The following TRIM13 variants were observed in gnomAD, a reference collection of about 807,000 sequenced individuals.
The protein encoded by TRIM13 is E3 ubiquitin-protein ligase TRIM13.
TRIM13 carries 15 observed loss-of-function variants against 27.1 expected under a neutral mutation model. The ratio of observed to expected loss-of-function variants is 0.55; its 90% CI spans 0.37 to 0.85. TRIM13 has a LOEUF of 0.85. Among genes scored for constraint, TRIM13 ranks in the 40% least tolerant of loss-of-function variants. The pLI is 0.00. For synonymous variants in TRIM13, 193 were observed against 171.5 expected (o/e 1.13, Z -0.98); for missense variants, 402 against 472.2 (o/e 0.85, Z 1.38).
At chr13:50,007,318 G>A (rs1160419264) in intron 1 of TRIM13, among the ~76,000 whole-genome samples, 3 of 151,136 alleles carry the variant, frequency 2.0e-5, no homozygotes, top group South Asian at 2.1e-4. Flanking sequence ...GTGAAACCCC[G>A]TGTCTATTAA....
Position 50,015,186 on chromosome 13 carries a change from G to GT in TRIM13, c.*2023dup, listed in dbSNP as rs1420858274. The GT allele has an allele frequency of 3.9e-5, 6 of 155,618 alleles. No homozygotes were observed. Among genetic ancestry groups the GT allele is most frequent in the Non-Finnish European group, 8.6e-5 (6 of 69,908 alleles). 9.6% of individuals were successfully genotyped at this position (155,618 alleles called of 1,614,324 possible). A position where few individuals can be genotyped will look rare whatever the true frequency, so the allele number is the denominator to read the frequency against. ...GGTTTTCATGGATAAGTTTTTAAAT[G>GT]TAAGACAGGAAAGGGATCTATTTGA... is the stretch of plus-strand genomic sequence containing the variant. On this transcript the variant is annotated 3_prime_UTR_variant, in exon 2 of 2. Transcript: ENST00000378182.
rs753801455 is a variant in TRIM13, at chr13:50,012,860, T to G, written c.920T>G (p.Ile307Ser). 6.2e-7 allele frequency: 1 copy of G among 1,614,108 alleles called. No homozygotes were observed. The highest frequency in any genetic ancestry group is 8.5e-7 in the Non-Finnish European group (1 of 1,180,008). The stretch of plus-strand genomic sequence containing the variant: ...TTGCCTCAAGACACTGGCACATTCA[T>G]TAGCAAGATTCCCTGGAGCTTTTAT... ...LSLPQDTGTF[I>S]SKIPWSFYKL... is the part of the protein sequence containing the mutation. The change falls in exon 2 of 2, where the codon ATT (isoleucine) becomes AGT (serine). Residue 307 changes from isoleucine (I) to serine (S), a missense_variant. Ile to Ser is a moderately radical substitution (Grantham distance 142). Transcript: ENST00000378182.
intron 1 of TRIM13, among the ~76,000 whole-genome samples, chr13:50,007,826 C>T (rs1874996040): frequency 6.7e-6 from 1 of 149,814 alleles, no homozygotes; most frequent in Non-Finnish European, 1.5e-5. Context: ...CCTGCAAGCT[C>T]AGCTTGTCCT....
chr13:50,012,844 G>A lies in TRIM13; in HGVS notation c.904G>A (p.Asp302Asn), dbSNP rs375965335. The change falls in exon 2 of 2, where the codon GAC becomes AAC. Residue 302 changes from aspartate to asparagine, a missense_variant. This residue lies in a region of TRIM13 where 200 missense variants were observed against 194.7 expected (regional missense o/e 1.03). Transcript: ENST00000378182. ...TGTGGATAAACTTTCTTTGCCTCAAGACACTGGCACATTCATTAGCAAGAT... is the reference window on the plus strand; with the variant it reads ...TGTGGATAAACTTTCTTTGCCTCAAAACACTGGCACATTCATTAGCAAGAT... ...VDVDKLSLPQ[D>N]TGTFISKIPW... 6 of 1,614,112 alleles carry A rather than the reference G, an allele frequency of 3.7e-6. No homozygotes were observed. The African/African-American group carries it at 8.0e-5, about 22-fold the overall frequency.
intron 1 of TRIM13, among the ~76,000 whole-genome samples, chr13:50,008,391 T>C (rs1322288194): frequency 6.6e-6 from 1 of 152,156 alleles, no homozygotes; most frequent in African/African-American, 2.4e-5. Context: ...TGTGGCCTGA[T>C]GCAGTGGCTC....
In TRIM13 at chr13:50,015,682, T is replaced by C. The variant is rs1426905429; in HGVS notation, c.*2518T>C. On this transcript the variant is annotated 3_prime_UTR_variant, in exon 2 of 2. Coordinates refer to ENST00000378182, the MANE Select transcript of TRIM13 (RefSeq NM_213590.3). ...GTGATTTGTTTAGTTTCATCTTAGA[T>C]TTTTTGAGAACTCACCAGCTTTTAT... 1 of 1,614,146 alleles carries C rather than the reference T, an allele frequency of 6.2e-7. No individual in the cohort carries two copies. Among genetic ancestry groups the C allele is most frequent in the African/African-American group, 1.3e-5 (1 of 75,058 alleles).
intron 1 of TRIM13, among the ~76,000 whole-genome samples, chr13:49,999,036 C>T (rs1253504524): frequency 2.0e-5 from 3 of 151,882 alleles, no homozygotes; most frequent in South Asian, 2.1e-4. Flanking sequence ...TAAATGTAGC[C>T]TGCTGTATCT....
At position 50,012,024 on chromosome 13, in the gene TRIM13, C is replaced by T. The variant is rs764054191; in HGVS notation, c.84C>T (p.Asn28=). The change falls in exon 2 of 2, where the codon AAC becomes AAT. Residue 28 remains asparagine (N), a synonymous_variant. Coordinates refer to ENST00000378182, the MANE Select transcript of TRIM13 (RefSeq NM_213590.3). ...CACGGGTTTTGCCTTGCTCCCACAA[C>T]TTCTGCAAAAAATGCTTAGAAGGTA... ...DDPRVLPCSH[N]FCKKCLEGIL... 6.2e-6 allele frequency: 10 copies of T among 1,613,896 alleles called. No homozygotes were observed. The highest frequency in any genetic ancestry group is 8.5e-6 in the Non-Finnish European group (10 of 1,179,962).
At chr13:50,004,888 C>T (rs1317582463) in intron 1 of TRIM13, among the ~76,000 whole-genome samples, 2 of 151,812 alleles carry the variant, frequency 1.3e-5, no homozygotes, top group Admixed American at 1.3e-4. Context: ...CCAGCCTGAC[C>T]AACATGGTGA....
At chr13:50,006,314 C>G (rs1566435900) in intron 1 of TRIM13, among the ~76,000 whole-genome samples, 1 of 151,980 alleles carries the variant, frequency 6.6e-6, no homozygotes, top group South Asian at 2.1e-4. Context: ...GTCGTTGTAT[C>G]CTCAATTTTC....
chr13:50,016,277 G>A lies in TRIM13; in HGVS notation c.*3113G>A, dbSNP rs1876558363. 5 of 509,640 alleles carry A rather than the reference G, an allele frequency of 9.8e-6. No homozygotes were observed. Among genetic ancestry groups the A allele is most frequent in the Non-Finnish European group, 1.8e-5 (5 of 280,762 alleles). The allele number at this position is 509,640 out of a possible 1,614,324, so 31.6% of individuals were successfully genotyped here. Reference sequence around the variant, plus strand: ...AGAGTGAAAGGGGCTATTATTAGGTGGGACAAAAGGAATAAATGAAGACTG... The same window carrying A: ...AGAGTGAAAGGGGCTATTATTAGGTAGGACAAAAGGAATAAATGAAGACTG... On this transcript the variant is annotated 3_prime_UTR_variant, in exon 2 of 2. Transcript: ENST00000378182.
intron 1 of TRIM13, among the ~76,000 whole-genome samples, chr13:50,011,018 G>A (rs2138410888): frequency 6.6e-6 from 1 of 152,242 alleles, no homozygotes; most frequent in South Asian, 2.1e-4. Flanking sequence ...TTTTACTGCT[G>A]CATCAAGAAC....
chr13:50,011,994 T>C lies in TRIM13; in HGVS notation c.54T>C (p.Asp18=), dbSNP rs1294462255. 1 of 1,614,106 alleles carries C rather than the reference T, an allele frequency of 6.2e-7. No homozygotes were observed. The highest frequency in any genetic ancestry group is 1.3e-5 in the African/African-American group (1 of 75,046). Residue 18 remains aspartate, a synonymous_variant, in exon 2 of 2, where the codon GAT becomes GAC. Transcript: ENST00000378182. ...LTCPICCSLF[D]DPRVLPCSHN... ...GCCCTATTTGTTGTAGTCTGTTTGA[T>C]GATCCACGGGTTTTGCCTTGCTCCC...
Position 50,015,090 on chromosome 13 carries a change from AAAAAATATATATATATAT to A in TRIM13, c.*1928_*1945del, listed in dbSNP as rs1166895162. 38 of 39,088 alleles carry A rather than the reference AAAAAATATATATATATAT, an allele frequency of 9.7e-4. 3 individuals are homozygous for A. Among genetic ancestry groups the A allele is most frequent in the African/African-American group, 3.4e-3 (32 of 9,484 alleles). The allele number at this position is 39,088 out of a possible 1,614,324, so 2.4% of individuals were successfully genotyped here. On this transcript the variant is annotated 3_prime_UTR_variant, in exon 2 of 2. Coordinates refer to ENST00000378182, the MANE Select transcript of TRIM13 (RefSeq NM_213590.3). ...CTCCCAGTAATAAAAAAAAAAAAAAAAAAAATATATATATATATATATATATATATATATATATATATA... is the reference window on the plus strand; with the variant it reads ...CTCCCAGTAATAAAAAAAAAAAAAAAATATATATATATATATATATATATA...
intron 1 of TRIM13, among the ~76,000 whole-genome samples, chr13:50,011,434 C>T (rs1168398403): frequency 1.3e-5 from 2 of 152,130 alleles, no homozygotes; most frequent in South Asian, 4.1e-4. Flanking sequence ...TGTAATCTTG[C>T]CTTTGAAACA....
At chr13:50,008,538 T>C (rs1391603666) in intron 1 of TRIM13, among the ~76,000 whole-genome samples, 1 of 151,922 alleles carries the variant, frequency 6.6e-6, no homozygotes, top group African/African-American at 2.4e-5. Context: ...CTTAGGAATC[T>C]GAGGCAGGAG....
intron 1 of TRIM13, among the ~76,000 whole-genome samples, chr13:50,000,691 T>C (rs1873915821): frequency 6.6e-6 from 1 of 151,902 alleles, no homozygotes; most frequent in Non-Finnish European, 1.5e-5. Flanking sequence ...ACCAAAATAA[T>C]AGTAGTGGTG....
At chr13:50,001,696 T>G (rs1306211073) in intron 1 of TRIM13, among the ~76,000 whole-genome samples, 5 of 152,190 alleles carry the variant, frequency 3.3e-5, no homozygotes, top group Non-Finnish European at 5.9e-5. Flanking sequence ...TAATTTTCAT[T>G]TTTAGAGGTA....
intron 1 of TRIM13, among the ~76,000 whole-genome samples, chr13:50,004,596 C>T (rs967254448): frequency 3.9e-5 from 6 of 152,022 alleles, no homozygotes; most frequent in Admixed American, 6.5e-5. Flanking sequence ...AACCCTGTCT[C>T]TACTAAAAAC....
Sources: gnomAD v4.1 joint callset for allele counts (sites outside exome capture counted in the v4.1 genomes callset) on GRCh38, gnomAD v4.1.1 for gene constraint, gnomAD v4.1.1 regional missense constraint, MANE v1.5 for transcripts, NCBI Gene and HGNC (gene_info 2026-07-23, HGNC 2026-07-21) for gene names.